The following SPATA1 variants were observed in gnomAD, a reference collection of about 807,000 sequenced individuals.
SPATA1 encodes spermatogenesis-associated protein 1.
Under a neutral mutation model 59.6 loss-of-function variants are expected in SPATA1, and 57 were observed. The ratio of observed to expected loss-of-function variants is 0.96; its 90% CI spans 0.77 to 1.19. The LOEUF (loss-of-function observed/expected upper bound fraction) is 1.19, where lower values mean the gene tolerates loss of function less well. Ranked by LOEUF, SPATA1 falls within the 50% of genes most tolerant of loss-of-function variation. SPATA1 has a pLI of 0.00. For synonymous variants in SPATA1, 147 were observed against 163.9 expected (o/e 0.90, Z 0.79); for missense variants, 448 against 480.7 (o/e 0.93, Z 0.64).
At position 84,550,327 on chromosome 1, in the gene SPATA1, A is replaced by G. The variant is rs554556026; in HGVS notation, c.1126-105A>G. ...CTTTACGGAATAGGTTATTTTCATG[A>G]TTTACTCTTTTGATCTTTATCATTT... On this transcript the variant is annotated intron_variant, in intron 11 of 12. Coordinates refer to ENST00000490879, the Ensembl canonical transcript of SPATA1. 2.2e-5 allele frequency: 11 copies of G among 508,802 alleles called. No individual in the cohort carries two copies. The Admixed American group carries it at 4.8e-4, about 22-fold the overall frequency. 31.5% of individuals were successfully genotyped at this position (508,802 alleles called of 1,614,324 possible). A position where few individuals can be genotyped will look rare whatever the true frequency, so the allele number is the denominator to read the frequency against.
At chr1:84,525,779 T>G in intron 5 of SPATA1, 30 bp downstream of exon 5, 6 of 1,604,870 alleles carry the variant, frequency 3.7e-6, no homozygotes, top group Non-Finnish European at 5.1e-6. Flanking sequence ...AAACTTATGC[T>G]AATTTTTAAC....
intron 8 of SPATA1, among the ~76,000 whole-genome samples, chr1:84,536,487 A>C (rs1325540475): frequency 6.6e-6 from 1 of 152,236 alleles, no homozygotes; most frequent in Non-Finnish European, 1.5e-5. Flanking sequence ...TCTGTCGCCC[A>C]GGCTGGAGTG....
chr1:84,550,603 T>G, intron 12 of SPATA1, 73 bp downstream of exon 12: 1 of 1,401,496 alleles, frequency 7.1e-7, no homozygotes, highest in Non-Finnish European at 9.3e-7. Context: ...GTTTTAACTT[T>G]GGGTGTCAAT....
At chr1:84,544,575 T>G (rs1252442288) in intron 9 of SPATA1, among the ~76,000 whole-genome samples, 1 of 152,092 alleles carries the variant, frequency 6.6e-6, no homozygotes, top group Non-Finnish European at 1.5e-5. Context: ...TATTTTATTT[T>G]TTTTAGACAG....
At chr1:84,518,704 C>T (rs1042066556) in intron 2 of SPATA1, among the ~76,000 whole-genome samples, 35 of 151,990 alleles carry the variant, frequency 2.3e-4, no homozygotes, top group African/African-American at 8.2e-4. Flanking sequence ...CACCTTAATA[C>T]CTTTATTTTA....
intron 2 of SPATA1, among the ~76,000 whole-genome samples, chr1:84,518,672 T>G (rs1682891706): frequency 6.6e-6 from 1 of 151,950 alleles, no homozygotes; most frequent in South Asian, 2.1e-4. Context: ...CTCTCTCTGC[T>G]TCAATCATAC....
chr1:84,512,574 A>C (rs981776500), intron 1 of SPATA1, among the ~76,000 whole-genome samples: 1 of 152,222 alleles, frequency 6.6e-6, no homozygotes, highest in Non-Finnish European at 1.5e-5. Flanking sequence ...AAGTATCAGA[A>C]TTTCTTAAGC....
chr1:84,564,860 C>T lies in SPATA1; in HGVS notation n.443-1001C>T, dbSNP rs564825160. Among the ~76,000 whole-genome samples, 539 of 151,802 alleles carry T rather than the reference C, an allele frequency of 3.6e-3. 4 individuals carry two copies. Among genetic ancestry groups the T allele is most frequent in the Middle Eastern group, 0.017 (5 of 294 alleles). On this transcript the variant is annotated intron_variant and non_coding_transcript_variant, in intron 4 of 4. Coordinates refer to the SPATA1 transcript ENST00000460286. The stretch of plus-strand genomic sequence containing the variant: ...CAGCCTGGGCAACATAGTATGACTC[C>T]ATCTCCTTAAAAAAAAAATCTTTTT...
At chr1:84,514,423 A>G (rs902155550) in intron 1 of SPATA1, among the ~76,000 whole-genome samples, 6 of 152,210 alleles carry the variant, frequency 3.9e-5, no homozygotes, top group African/African-American at 1.4e-4. Flanking sequence ...TTCAGATTTC[A>G]GATTTTTTCA....
chr1:84,538,940 C>G (rs1286312992), intron 8 of SPATA1, among the ~76,000 whole-genome samples: 4 of 151,582 alleles, frequency 2.6e-5, no homozygotes, highest in Non-Finnish European at 5.9e-5. Flanking sequence ...GCTGAGACTA[C>G]AGACACATGC....
At chr1:84,565,088 G>A (rs1015949774) in intron 4 of SPATA1, among the ~76,000 whole-genome samples, 5 of 151,766 alleles carry the variant, frequency 3.3e-5, no homozygotes, top group African/African-American at 9.7e-5. Flanking sequence ...GCATGCACCC[G>A]TAGTCCCAGC....
chr1:84,523,968 A>T (rs1370951475), intron 4 of SPATA1, among the ~76,000 whole-genome samples: 1 of 151,730 alleles, frequency 6.6e-6, no homozygotes, highest in Non-Finnish European at 1.5e-5. Flanking sequence ...TATATACAAA[A>T]CTAGAAAAAG....
intron 1 of SPATA1, among the ~76,000 whole-genome samples, chr1:84,514,494 A>C (rs1280517622): frequency 6.6e-6 from 1 of 152,210 alleles, no homozygotes; most frequent in African/African-American, 2.4e-5. Context: ...AAAATGCTCC[A>C]ATGAGCATTT....
chr1:84,549,023 T>A, intron 11 of SPATA1, 59 bp downstream of exon 11: 1 of 1,434,018 alleles, frequency 7.0e-7, no homozygotes, highest in Non-Finnish European at 9.2e-7. Flanking sequence ...ACATGCTTTA[T>A]AAGTGCTAGT....
chr1:84,563,511 A>G, intron 4 of SPATA1: 1 of 959,028 alleles, frequency 1.0e-6, no homozygotes. Context: ...GAAATAAAAC[A>G]TATACCATAG....
chr1:84,515,045 A>C (rs1186463957), intron 1 of SPATA1, among the ~76,000 whole-genome samples: 2 of 152,198 alleles, frequency 1.3e-5, no homozygotes, highest in African/African-American at 4.8e-5. Context: ...CTTTTAGCCT[A>C]CTAATTTGCA....
intron 8 of SPATA1, among the ~76,000 whole-genome samples, chr1:84,538,587 C>T (rs976800208): frequency 6.6e-6 from 1 of 152,150 alleles, no homozygotes; most frequent in Non-Finnish European, 1.5e-5. Flanking sequence ...CCCCTTGCCC[C>T]AGCTACTATT....
intron 1 of SPATA1, among the ~76,000 whole-genome samples, chr1:84,512,363 A>T (rs1424236084): frequency 6.6e-6 from 1 of 152,238 alleles, no homozygotes; most frequent in Non-Finnish European, 1.5e-5. Context: ...TGTATAGGTT[A>T]TAAGGGACTA....
At chr1:84,549,220 T>C (rs879338490) in intron 11 of SPATA1, among the ~76,000 whole-genome samples, 4 of 152,182 alleles carry the variant, frequency 2.6e-5, no homozygotes, top group Non-Finnish European at 5.9e-5. Flanking sequence ...AGACTGCTTC[T>C]AATAGTAGCA....
Sources: allele counts gnomAD v4.1 joint callset (sites outside exome capture counted in the v4.1 genomes callset), GRCh38; gene constraint gnomAD v4.1.1; transcripts MANE v1.5; gene names NCBI Gene and HGNC (gene_info 2026-07-23, HGNC 2026-07-21).